Variants in DOCK9 observed in about 807,000 individuals in gnomAD.
The protein encoded by DOCK9 is dedicator of cytokinesis protein 9.
In DOCK9, 89 loss-of-function variants were observed where a neutral mutation model predicts 263.3. The ratio of observed to expected loss-of-function variants is 0.34; its 90% CI spans 0.28 to 0.40. The LOEUF (loss-of-function observed/expected upper bound fraction) is 0.40, where lower values mean the gene tolerates loss of function less well. DOCK9 is among the 10% of genes least tolerant of loss of function. The pLI, the probability that DOCK9 is intolerant of heterozygous loss-of-function variation, is 1.00. For synonymous variants in DOCK9, 976 were observed against 973.1 expected (o/e 1.00, Z -0.06); for missense variants, 2,140 against 2,603.4 (o/e 0.82, Z 3.87).
At chr13:98,951,091 A>G (rs2057358002) in intron 2 of DOCK9, among the ~76,000 whole-genome samples, 1 of 152,224 alleles carries the variant, frequency 6.6e-6, no homozygotes, top group Non-Finnish European at 1.5e-5. Context: ...TGCTTGTTAA[A>G]GTTTACCTCT....
chr13:98,796,502 T>C (rs9554525), intron 52 of DOCK9, among the ~76,000 whole-genome samples: 60,250 of 151,986 alleles, frequency 0.4, 12,381 homozygotes, highest in East Asian at 0.62. Context: ...TCCCTGGGTA[T>C]GGGACACTGT....
At chr13:98,993,374 C>T (rs971935527) in intron 1 of DOCK9, among the ~76,000 whole-genome samples, 24 of 152,178 alleles carry the variant, frequency 1.6e-4, no homozygotes, top group Non-Finnish European at 2.8e-4. Context: ...GTAACATTCG[C>T]CTTCAAATCT....
intron 39 of DOCK9, chr13:98,834,644 T>C (rs2092918288): frequency 6.6e-6 from 1 of 152,218 alleles, no homozygotes; most frequent in Non-Finnish European, 1.5e-5. Context: ...AAGTCCAGCA[T>C]TGGTTTGGGA....
chr13:99,002,551 T>G (rs934036439), intron 1 of DOCK9, among the ~76,000 whole-genome samples: 5 of 152,224 alleles, frequency 3.3e-5, no homozygotes, highest in African/African-American at 1.2e-4. Context: ...CCCTGGTCAG[T>G]GGGTTCACAC....
At chr13:98,875,813 T>C (rs2043736693) in intron 27 of DOCK9, among the ~76,000 whole-genome samples, 1 of 152,236 alleles carries the variant, frequency 6.6e-6, no homozygotes, top group Non-Finnish European at 1.5e-5. Context: ...CCATCCGCTG[T>C]AGTAAGGAAA....
chr13:98,811,578 T>G (rs899550178), intron 45 of DOCK9, among the ~76,000 whole-genome samples: 2 of 152,164 alleles, frequency 1.3e-5, no homozygotes, highest in African/African-American at 4.8e-5. Context: ...GCCCCACTAA[T>G]TTTTTGTATT....
chr13:98,909,560 A>AT (rs2049684121), intron 9 of DOCK9, among the ~76,000 whole-genome samples: 1 of 152,146 alleles, frequency 6.6e-6, no homozygotes, highest in Non-Finnish European at 1.5e-5. Flanking sequence ...TATAATCTTT[A>AT]ATTTAAAGAG....
At chr13:98,985,455 T>G (rs1878237608) in intron 1 of DOCK9, among the ~76,000 whole-genome samples, 1 of 152,192 alleles carries the variant, frequency 6.6e-6, no homozygotes, top group African/African-American at 2.4e-5. Context: ...GTTTTGTTCA[T>G]TGCTGTGTTC....
intron 1 of DOCK9, among the ~76,000 whole-genome samples, chr13:98,969,991 T>C (rs1006663147): frequency 2.7e-4 from 41 of 152,174 alleles, no homozygotes; most frequent in African/African-American, 9.7e-4. Context: ...CTGTTGGCTG[T>C]GTTGTTTTGT....
intron 1 of DOCK9, among the ~76,000 whole-genome samples, chr13:99,002,094 C>CA (rs1882454615): frequency 6.6e-6 from 1 of 152,236 alleles, no homozygotes; most frequent in Non-Finnish European, 1.5e-5. Flanking sequence ...CCTGCTCCCT[C>CA]ATTCACTTCC....
chr13:98,961,355 G>A (rs1179838439), intron 1 of DOCK9, among the ~76,000 whole-genome samples: 1 of 152,196 alleles, frequency 6.6e-6, no homozygotes, highest in African/African-American at 2.4e-5. Context: ...TCTGACACGA[G>A]CCAGCTCCAG....
chr13:99,030,573 G>C (rs911352365), intron 1 of DOCK9, among the ~76,000 whole-genome samples: 1 of 152,182 alleles, frequency 6.6e-6, no homozygotes, highest in Non-Finnish European at 1.5e-5. Context: ...TCATTAAAGA[G>C]AAAGATAACA....
At chr13:98,809,292 TTTG>T in intron 47 of DOCK9, 57 bp downstream of exon 47, 1 of 1,448,198 alleles carries the variant, frequency 6.9e-7, no homozygotes, top group African/African-American at 1.4e-5. Context: ...TTTTTTTGTT[TTTG>T]TTTTTGTTTT....
At chr13:98,808,173 G>A (rs1485725719) in intron 47 of DOCK9, among the ~76,000 whole-genome samples, 1 of 152,172 alleles carries the variant, frequency 6.6e-6, no homozygotes. Flanking sequence ...GCTCAGAAGT[G>A]GACATGCCTC....
At position 98,805,038 on chromosome 13, in the gene DOCK9, C is replaced by G. The variant is rs771167904; in HGVS notation, c.5686G>C (p.Gly1896Arg). The change falls in exon 49 of 53, where the codon GGG becomes CGG. Residue 1896 changes from glycine to arginine, a missense_variant. Gly to Arg is a moderately radical substitution (Grantham distance 125). This residue lies in a region of DOCK9 where 619 missense variants were observed against 861.8 expected (regional missense o/e 0.72). Coordinates refer to ENST00000682017, the MANE Select transcript of DOCK9 (RefSeq NM_001366683.2). ...CGCCGTTTGCACTGCTCTTCCACCC[C>G]GCCCTGCCTCTTCCCGGTCTGCGTA... is the stretch of plus-strand genomic sequence containing the variant. ...PFTQTGKRQGGVEEQCKRRTI... is the reference protein window; with the variant it reads ...PFTQTGKRQGRVEEQCKRRTI... The G allele has an allele frequency of 1.6e-5, 26 of 1,610,554 alleles. No individual in the cohort carries two copies. Among genetic ancestry groups the G allele is most frequent in the Non-Finnish European group, 2.2e-5 (26 of 1,178,486 alleles).
At chr13:99,055,103 T>C (rs550975241) in intron 1 of DOCK9, among the ~76,000 whole-genome samples, 36 of 152,354 alleles carry the variant, frequency 2.4e-4, no homozygotes, top group African/African-American at 8.4e-4. Context: ...GGCCCATTAC[T>C]CTACTACTAT....
At chr13:98,976,658 A>G (rs1417245654) in intron 1 of DOCK9, among the ~76,000 whole-genome samples, 1 of 152,240 alleles carries the variant, frequency 6.6e-6, no homozygotes, top group East Asian at 1.9e-4. Flanking sequence ...TTTCTAAACA[A>G]TGTAGCAGAG....
chr13:99,006,469 A>G (rs925852711), intron 1 of DOCK9, among the ~76,000 whole-genome samples: 1 of 152,252 alleles, frequency 6.6e-6, no homozygotes, highest in African/African-American at 2.4e-5. Context: ...GTATTTAAAT[A>G]AATTCCCGTA....
At chr13:99,047,374 G>A (rs1019961739) in intron 1 of DOCK9, among the ~76,000 whole-genome samples, 3 of 152,268 alleles carry the variant, frequency 2.0e-5, no homozygotes, top group Non-Finnish European at 4.4e-5. Flanking sequence ...AGGGTCCCCA[G>A]GTTAGAATAA....
Sources: allele counts gnomAD v4.1 joint callset (sites outside exome capture counted in the v4.1 genomes callset), GRCh38; gene constraint gnomAD v4.1.1; regional missense constraint gnomAD v4.1.1; transcripts MANE v1.5; gene names NCBI Gene and HGNC (gene_info 2026-07-23, HGNC 2026-07-21).